Variants in DNAH3 observed in about 807,000 individuals in gnomAD.
DNAH3 encodes the protein axonemal beta dynein heavy chain 3.
Under a neutral mutation model 432.5 loss-of-function variants are expected in DNAH3, and 332 were observed. That is an observed-to-expected ratio of 0.77 (90% CI 0.70 to 0.84). DNAH3 has a LOEUF of 0.84. Ranked by LOEUF, DNAH3 falls within the 40% of genes least tolerant of loss-of-function variation. The pLI is 0.00. For synonymous variants in DNAH3, 1,956 were observed against 1,900.2 expected (o/e 1.03, Z -0.76); for missense variants, 4,861 against 5,114.0 (o/e 0.95, Z 1.51).
At chr16:20,990,915 G>T (rs2086522957) in intron 44 of DNAH3, among the ~76,000 whole-genome samples, 1 of 152,086 alleles carries the variant, frequency 6.6e-6, no homozygotes, top group African/African-American at 2.4e-5. Flanking sequence ...CAACTACTCG[G>T]GAGGTTGAGG....
At chr16:21,101,235 T>C (rs948734297) in intron 16 of DNAH3, among the ~76,000 whole-genome samples, 6 of 152,206 alleles carry the variant, frequency 3.9e-5, no homozygotes, top group East Asian at 1.9e-4. Context: ...ATGTAACTTA[T>C]TGTATACCGT....
rs143399673 is a variant in DNAH3 at position 20,965,081 on chromosome 16, G to A, written c.8803C>T (p.Arg2935Trp). The change falls in exon 53 of 62, where the codon CGG (arginine) becomes TGG (tryptophan). Residue 2935 changes from arginine to tryptophan, a missense_variant. Transcript: ENST00000261383. Reference sequence around the variant, plus strand: ...AAGTCGTCATTCAGGGCCTGGAGCCGATCTACCACCAGCTTCAGCTCTGCT... The same window carrying A: ...AAGTCGTCATTCAGGGCCTGGAGCCAATCTACCACCAGCTTCAGCTCTGCT... 22 of 1,613,952 alleles carry A rather than the reference G, an allele frequency of 1.4e-5. No homozygotes were observed. Among genetic ancestry groups the A allele is most frequent in the South Asian group, 9.9e-5 (9 of 91,064 alleles).
At chr16:20,953,148 GTTTT>G (rs971898148) in intron 55 of DNAH3, among the ~76,000 whole-genome samples, 2 of 150,782 alleles carry the variant, frequency 1.3e-5, no homozygotes, top group Non-Finnish European at 3.0e-5. Flanking sequence ...TGTTTGTTTT[GTTTT>G]TTTGTTTGTT....
intron 28 of DNAH3, among the ~76,000 whole-genome samples, 163 bp from the exon 29 acceptor site, chr16:21,052,031 C>T (rs1479239676): frequency 1.3e-5 from 2 of 151,916 alleles, no homozygotes; most frequent in Non-Finnish European, 2.9e-5. Context: ...TCGCTCTGTC[C>T]CCCATTCTGG....
At position 21,067,764 on chromosome 16, in the gene DNAH3, G is replaced by A. The variant is rs576990026; in HGVS notation, c.3382-345C>T. On this transcript the variant is annotated intron_variant, in intron 23 of 61. Transcript: ENST00000261383. ...GATAGAGAAAGCCAGTCTTGGGGGGGGGGGTGGGGAGGGAGAGAGAGAGAG... is the reference window on the plus strand; with the variant it reads ...GATAGAGAAAGCCAGTCTTGGGGGGAGGGGTGGGGAGGGAGAGAGAGAGAG... 1.8e-4 allele frequency among the ~76,000 whole-genome samples: 7 copies of A among 39,852 alleles called. 1 individual carries two copies. In the East Asian group the frequency reaches 0.031, roughly 176 times the overall value. 26.1% of individuals were successfully genotyped at this position (39,852 alleles called of 152,430 possible). A position where few individuals can be genotyped will look rare whatever the true frequency, so the allele number is the denominator to read the frequency against.
At chr16:20,952,407 A>G (rs1460085309) in intron 56 of DNAH3, 26 bp downstream of exon 56, 1 of 1,395,458 alleles carries the variant, frequency 7.2e-7, no homozygotes, top group Non-Finnish European at 1.0e-6. Context: ...GGAGGTTTAC[A>G]GTGGAAAAAC....
chr16:21,135,376 T>C (rs2152824198), intron 6 of DNAH3, among the ~76,000 whole-genome samples: 1 of 152,254 alleles, frequency 6.6e-6, no homozygotes, highest in Non-Finnish European at 1.5e-5. Flanking sequence ...ATAGAGGATG[T>C]AACATTTGTG....
intron 5 of DNAH3, among the ~76,000 whole-genome samples, chr16:21,137,516 G>A (rs970699268): frequency 4.6e-5 from 7 of 150,998 alleles, no homozygotes; most frequent in Non-Finnish European, 8.8e-5. Flanking sequence ...TCTGCCTCCC[G>A]GGTTCAAGCA....
intron 20 of DNAH3, among the ~76,000 whole-genome samples, chr16:21,079,139 G>A (rs992626971): frequency 4.6e-5 from 7 of 152,188 alleles, no homozygotes; most frequent in African/African-American, 1.7e-4. Flanking sequence ...GCAGTGAAGG[G>A]TCATGGTTAA....
intron 14 of DNAH3, among the ~76,000 whole-genome samples, chr16:21,110,504 G>A (rs2092045061): frequency 6.6e-6 from 1 of 152,202 alleles, no homozygotes; most frequent in East Asian, 1.9e-4. Context: ...AGCCAACGTG[G>A]AGGAAAGCCA....
At chr16:21,116,730 G>A (rs1051390669) in intron 12 of DNAH3, among the ~76,000 whole-genome samples, 5 of 152,136 alleles carry the variant, frequency 3.3e-5, no homozygotes, top group African/African-American at 1.2e-4. Context: ...AAAAAGTTCT[G>A]AAAACAGACA....
exon 40 of DNAH3, chr16:21,022,029 G>A: frequency 6.2e-7 from 1 of 1,613,988 alleles, no homozygotes; most frequent in Non-Finnish European, 8.5e-7. Context: ...GAGATGTCTG[G>A]ACAACAAATT....
chr16:21,034,244 A>C (rs1406256876), intron 35 of DNAH3, among the ~76,000 whole-genome samples, 159 bp from the exon 36 acceptor site: 2 of 152,214 alleles, frequency 1.3e-5, no homozygotes, highest in East Asian at 1.9e-4. Flanking sequence ...TATTGTTTAC[A>C]TATCTTTCAG....
At chr16:21,126,406 A>AT in intron 8 of DNAH3, among the ~76,000 whole-genome samples, 1 of 152,086 alleles carries the variant, frequency 6.6e-6, no homozygotes, top group Non-Finnish European at 1.5e-5. Flanking sequence ...TAGCATCTAC[A>AT]TTTTCTCTGC....
exon 61 of DNAH3, chr16:20,935,397 T>G: frequency 1.9e-6 from 3 of 1,613,766 alleles, no homozygotes; most frequent in Non-Finnish European, 2.5e-6. Flanking sequence ...TTTCCGGGCA[T>G]AATTTTGAGA....
chr16:21,064,695 T>A (rs575199568), intron 24 of DNAH3, among the ~76,000 whole-genome samples: 18 of 152,174 alleles, frequency 1.2e-4, no homozygotes, highest in Non-Finnish European at 2.4e-4. Context: ...TCAATGGCCA[T>A]AAGAGTAATA....
Position 20,955,063 on chromosome 16 carries a change from A to G in DNAH3, c.10827-6T>C, listed in dbSNP as rs745403065. Reference sequence around the variant, plus strand: ...GATAGCTGGTTAGCCAGAGTCTGGAAGAACAATGGACCCAACGTTTTAGAG... The same window carrying G: ...GATAGCTGGTTAGCCAGAGTCTGGAGGAACAATGGACCCAACGTTTTAGAG... On this transcript the variant is annotated splice_polypyrimidine_tract_variant and splice_region_variant and intron_variant, in intron 54 of 61. Transcript: ENST00000261383. 2 of 1,600,792 alleles carry G rather than the reference A, an allele frequency of 1.2e-6. No homozygotes were observed. The highest frequency in any genetic ancestry group is 2.2e-5 in the South Asian group (2 of 90,356).
intron 43 of DNAH3, among the ~76,000 whole-genome samples, chr16:20,999,867 C>T (rs552158270): frequency 6.6e-6 from 1 of 152,228 alleles, no homozygotes; most frequent in African/African-American, 2.4e-5. Flanking sequence ...AGGGGTTTAT[C>T]ACAAGGTGTG....
At chr16:20,936,557 C>T in intron 60 of DNAH3, 92 bp downstream of exon 60, 1 of 1,169,962 alleles carries the variant, frequency 8.5e-7, no homozygotes, top group Non-Finnish European at 1.2e-6. Flanking sequence ...GCTGCCTGCC[C>T]TCCTCCCCCT....
Sources: gnomAD v4.1 joint callset for allele counts (sites outside exome capture counted in the v4.1 genomes callset) on GRCh38, gnomAD v4.1.1 for gene constraint, MANE v1.5 for transcripts, NCBI Gene and HGNC (gene_info 2026-07-23, HGNC 2026-07-21) for gene names.